PEX1: variants seen among roughly 807,000 people sequenced by gnomAD.
PEX1 encodes the protein peroxisomal ATPase PEX1.
In PEX1, 97 loss-of-function variants were observed where a neutral mutation model predicts 152.5. The observed-to-expected ratio is 0.64, with a 90% CI of 0.54 to 0.75. The LOEUF is 0.75. Ranked by LOEUF, PEX1 falls within the 30% of genes least tolerant of loss-of-function variation. PEX1 has a pLI of 0.00. For synonymous variants in PEX1, 485 were observed against 531.6 expected (o/e 0.91, Z 1.21); for missense variants, 1,357 against 1,516.3 (o/e 0.89, Z 1.74).
rs145980902 is a variant in PEX1 at position 92,489,740 on chromosome 7, T to C, written c.3610A>G (p.Lys1204Glu). The change falls in exon 22 of 24, where the codon AAA (lysine) becomes GAA (glutamate). Residue 1204 changes from lysine (K) to glutamate (E), a missense_variant. Coordinates refer to ENST00000248633, the MANE Select transcript of PEX1 (RefSeq NM_000466.3). ...CCACTTTGGCTCCGGTATCTGCCTTTGATAATACTGATATCTGCCCTCAGT... is the reference window on the plus strand; with the variant it reads ...CCACTTTGGCTCCGGTATCTGCCTTCGATAATACTGATATCTGCCCTCAGT... The part of the protein sequence containing the change: ...DQLRADISII[K>E]GRYRSQSGED... 23 of 1,614,162 alleles carry C rather than the reference T, an allele frequency of 1.4e-5. No homozygotes were observed. In the African/African-American group the frequency reaches 2.5e-4, roughly 18 times the overall value.
intron 1 of PEX1, among the ~76,000 whole-genome samples, chr7:92,527,473 A>G (rs953055030): frequency 1.2e-4 from 19 of 152,216 alleles, no homozygotes; most frequent in African/African-American, 4.6e-4. Flanking sequence ...GACCAAAAAT[A>G]TCTTCCCCTA....
In PEX1 at chr7:92,487,413, G is replaced by T; in HGVS notation, c.*44C>A. 1.0e-6 allele frequency: 1 copy of T among 985,414 alleles called. No individual in the cohort carries two copies. Among genetic ancestry groups the T allele is most frequent in the Non-Finnish European group, 1.6e-6 (1 of 626,214 alleles). 61.0% of individuals were successfully genotyped at this position (985,414 alleles called of 1,614,324 possible). ...TTTTCCTGTTACAACATATGGAAAAGCCATCAAAAAACTTAACAGAACCAA... is the reference window on the plus strand; with the variant it reads ...TTTTCCTGTTACAACATATGGAAAATCCATCAAAAAACTTAACAGAACCAA... On this transcript the variant is annotated 3_prime_UTR_variant, in exon 24 of 24. Transcript: ENST00000248633.
intron 21 of PEX1, among the ~76,000 whole-genome samples, chr7:92,491,036 C>T (rs976502644): frequency 1.3e-5 from 2 of 152,152 alleles, no homozygotes; most frequent in Non-Finnish European, 2.9e-5. Context: ...CTCAAAGAAA[C>T]CAAAGGTAAT....
chr7:92,495,560 C>T (rs1372569368), intron 17 of PEX1, among the ~76,000 whole-genome samples: 2 of 152,042 alleles, frequency 1.3e-5, no homozygotes, highest in Non-Finnish European at 2.9e-5. Flanking sequence ...TTGTTTTTGT[C>T]TATGTCACCT....
At chr7:92,505,828 A>G (rs753167590) in intron 11 of PEX1, among the ~76,000 whole-genome samples, 2 of 152,246 alleles carry the variant, frequency 1.3e-5, no homozygotes, top group Non-Finnish European at 2.9e-5. Flanking sequence ...AAGGACTTTA[A>G]AAGTACAAAA....
At chr7:92,512,846 T>C (rs992110888) in intron 6 of PEX1, among the ~76,000 whole-genome samples, 1 of 151,818 alleles carries the variant, frequency 6.6e-6, no homozygotes, top group African/African-American at 2.4e-5. Flanking sequence ...GCCCAGGCTA[T>C]TCTCAAACTC....
chr7:92,491,387 A>G lies in PEX1; in HGVS notation c.3323T>C (p.Leu1108Pro). The change falls in exon 21 of 24, where the codon CTT (leucine) becomes CCT (proline). Residue 1108 changes from leucine (L) to proline (P), a missense_variant. Physicochemically the swap from Leu to Pro is moderately conservative, Grantham distance 98. Coordinates refer to ENST00000248633, the MANE Select transcript of PEX1 (RefSeq NM_000466.3). The stretch of plus-strand genomic sequence containing the variant: ...GATCTCGGACATCTCTAAAGAAACA[A>G]GGGACTGATCTAAGCCACATTCTCC... ...GDGECGLDQS[L>P]VSLEMSEILP... The G allele has an allele frequency of 6.2e-7, 1 of 1,613,648 alleles. No individual in the cohort carries two copies. Among genetic ancestry groups the G allele is most frequent in the Non-Finnish European group, 8.5e-7 (1 of 1,179,550 alleles).
Position 92,499,735 on chromosome 7 carries a change from C to T in PEX1, c.2687G>A (p.Arg896Gln), listed in dbSNP as rs748798206. The T allele has an allele frequency of 9.3e-6, 15 of 1,613,232 alleles. No homozygotes were observed. The highest frequency in any genetic ancestry group is 4.5e-5 in the East Asian group (2 of 44,856). The change falls in exon 16 of 24, where the codon CGA becomes CAA. Residue 896 changes from arginine to glutamine, a missense_variant. By Grantham distance (43) the Arg-to-Gln change is conservative. Coordinates refer to ENST00000248633, the MANE Select transcript of PEX1 (RefSeq NM_000466.3). Reference sequence around the variant, plus strand: ...ACTTATAAAATTCATTCTACTCTCTCGTGCAATTACCCCAGCTAGTAAGGT... The same window carrying T: ...ACTTATAAAATTCATTCTACTCTCTTGTGCAATTACCCCAGCTAGTAAGGT... The part of the protein sequence containing the change: ...GKTLLAGVIA[R>Q]ESRMNFISVK...
chr7:92,525,587 TA>T (rs1480543829), intron 1 of PEX1, among the ~76,000 whole-genome samples: 2 of 152,146 alleles, frequency 1.3e-5, no homozygotes, highest in African/African-American at 4.8e-5. Flanking sequence ...TTGTCACAGA[TA>T]GGGGGAGGCA....
intron 17 of PEX1, among the ~76,000 whole-genome samples, chr7:92,495,745 A>C (rs1008557247): frequency 1.3e-5 from 2 of 152,054 alleles, no homozygotes; most frequent in African/African-American, 4.8e-5. Context: ...GTGTTCAAAA[A>C]ATAAATCTTG....
intron 7 of PEX1, among the ~76,000 whole-genome samples, chr7:92,511,299 A>AT (rs999586071): frequency 4.6e-5 from 7 of 151,808 alleles, no homozygotes; most frequent in Admixed American, 1.3e-4. Context: ...TAATTTTTGT[A>AT]TTTTTTTGTA....
intron 17 of PEX1, among the ~76,000 whole-genome samples, chr7:92,496,170 A>G (rs530110811): frequency 6.6e-6 from 1 of 152,262 alleles, no homozygotes; most frequent in East Asian, 1.9e-4. Flanking sequence ...ATACTTTATA[A>G]TAAAATTTTT....
chr7:92,522,641 T>C (rs2116270884), intron 1 of PEX1, among the ~76,000 whole-genome samples: 1 of 152,340 alleles, frequency 6.6e-6, no homozygotes, highest in South Asian at 2.1e-4. Context: ...TAGTGAACAC[T>C]TGAGACTGTC....
At chr7:92,508,420 C>A (rs1407571825) in intron 9 of PEX1, among the ~76,000 whole-genome samples, 2 of 152,004 alleles carry the variant, frequency 1.3e-5, no homozygotes, top group East Asian at 1.9e-4. Context: ...TGCTTGTAAT[C>A]CCAGCTACTT....
At chr7:92,504,207 T>C (rs1792069916) in intron 12 of PEX1, among the ~76,000 whole-genome samples, 1 of 151,992 alleles carries the variant, frequency 6.6e-6, no homozygotes, top group Admixed American at 6.6e-5. Context: ...GTGTATGCTG[T>C]CATCTCCTTG....
chr7:92,499,046 G>A (rs1791795784), intron 16 of PEX1, among the ~76,000 whole-genome samples: 1 of 152,176 alleles, frequency 6.6e-6, no homozygotes, highest in East Asian at 1.9e-4. Context: ...CTTTCCAAAT[G>A]TGAGACTAGC....
intron 13 of PEX1, 120 bp from the exon 14 acceptor site, chr7:92,502,199 T>A: frequency 1.4e-6 from 1 of 709,898 alleles, no homozygotes; most frequent in African/African-American, 1.8e-5. Context: ...TTGGTAGTTG[T>A]CTGGGGATGG....
rs2116220996 is a variant in PEX1, at chr7:92,513,853, T to G, written c.1354A>C (p.Asn452His). The change falls in exon 6 of 24, where the codon AAT (asparagine) becomes CAT (histidine). Residue 452 changes from asparagine to histidine, a missense_variant. Asn to His is a moderately conservative substitution (Grantham distance 68, BLOSUM62 1). Transcript: ENST00000248633. ...PRSLKLQPRE[N>H]LPKDISEEDI... ...ACATATATATTTGAACTCACTAAATTCTCTCTAGGTTGTAACTTTAGAGAT... is the reference window on the plus strand; with the variant it reads ...ACATATATATTTGAACTCACTAAATGCTCTCTAGGTTGTAACTTTAGAGAT... 1 of 1,598,722 alleles carries G rather than the reference T, an allele frequency of 6.3e-7. No individual in the cohort carries two copies. Among genetic ancestry groups the G allele is most frequent in the Non-Finnish European group, 8.6e-7 (1 of 1,166,918 alleles).
intron 1 of PEX1, among the ~76,000 whole-genome samples, chr7:92,524,516 C>T (rs1291503602): frequency 6.6e-6 from 1 of 152,258 alleles, no homozygotes; most frequent in African/African-American, 2.4e-5. Context: ...ATCTGCCTGC[C>T]TCAGCCTCCC....
Sources: allele counts gnomAD v4.1 joint callset (sites outside exome capture counted in the v4.1 genomes callset), GRCh38; gene constraint gnomAD v4.1.1; transcripts MANE v1.5; gene names NCBI Gene and HGNC (gene_info 2026-07-23, HGNC 2026-07-21).